Variants in LRRC1 observed in about 807,000 individuals in gnomAD.
LRRC1 encodes the protein leucine rich repeat containing 1.
LRRC1 carries 28 observed loss-of-function variants against 69.9 expected under a neutral mutation model. That is an observed-to-expected ratio of 0.40 (90% CI 0.30 to 0.55). The LOEUF (loss-of-function observed/expected upper bound fraction) is 0.55. Among genes scored for constraint, LRRC1 ranks in the 20% least tolerant of loss-of-function variants. LRRC1 has a pLI of 0.47. For missense variants in LRRC1, 498 were observed against 609.0 expected, an observed-to-expected ratio of 0.82 and a Z score of 1.92; for synonymous variants, 236 against 240.2, an observed-to-expected ratio of 0.98 and a Z score of 0.16.
chr6:53,903,456 C>T (rs1016925293), intron 9 of LRRC1, among the ~76,000 whole-genome samples: 5 of 152,284 alleles, frequency 3.3e-5, no homozygotes, highest in Middle Eastern at 3.4e-3. Flanking sequence ...TCTCCTTCCC[C>T]CACTTTTAGT....
At chr6:53,909,138 C>T (rs904527508) in intron 10 of LRRC1, among the ~76,000 whole-genome samples, 7 of 151,748 alleles carry the variant, frequency 4.6e-5, no homozygotes, top group South Asian at 2.1e-4. Context: ...GGCACCATAC[C>T]AAGTGTCCAC....
chr6:53,798,489 C>T (rs1359429920), intron 1 of LRRC1, among the ~76,000 whole-genome samples: 1 of 152,250 alleles, frequency 6.6e-6, no homozygotes, highest in African/African-American at 2.4e-5. Flanking sequence ...CACCATTCTC[C>T]TGCCTCAGCC....
intron 10 of LRRC1, among the ~76,000 whole-genome samples, chr6:53,911,918 T>C (rs894951789): frequency 6.6e-6 from 1 of 152,194 alleles, no homozygotes; most frequent in African/African-American, 2.4e-5. Flanking sequence ...TGCTCAGCCA[T>C]ATGGGAAATC....
At chr6:53,824,940 T>A (rs1765216167) in intron 1 of LRRC1, among the ~76,000 whole-genome samples, 1 of 152,204 alleles carries the variant, frequency 6.6e-6, no homozygotes, top group Admixed American at 6.5e-5. Context: ...GCTCACTATG[T>A]AGGGGAACAT....
intron 2 of LRRC1, among the ~76,000 whole-genome samples, chr6:53,856,980 G>A (rs1766329857): frequency 6.6e-6 from 1 of 152,188 alleles, no homozygotes; most frequent in African/African-American, 2.4e-5. Context: ...CCCACCACAG[G>A]TAAGATGGGA....
chr6:53,879,015 C>T lies in LRRC1; in HGVS notation c.300C>T (p.Ser100=), dbSNP rs766561148. The stretch of plus-strand genomic sequence containing the variant: ...CAGAGATTCCTGAAATTCCAGAAAG[C>T]ATTTCATTCTGTAAAGCACTGCAGG... ...SRNEIPEIPE[S]ISFCKALQVA... is the part of the protein sequence containing the mutation. Residue 100 remains serine, a synonymous_variant, in exon 3 of 14, where the codon AGC becomes AGT. Coordinates refer to ENST00000370888, the MANE Select transcript of LRRC1 (RefSeq NM_018214.5). 2 of 1,612,534 alleles carry T rather than the reference C, an allele frequency of 1.2e-6. No individual in the cohort carries two copies. Among genetic ancestry groups the T allele is most frequent in the South Asian group, 1.1e-5 (1 of 90,914 alleles).
Position 53,884,058 on chromosome 6 carries a change from GC to G in LRRC1, c.446+1085del, listed in dbSNP as rs547337163. On this transcript the variant is annotated intron_variant, in intron 4 of 13. Coordinates refer to ENST00000370888, the MANE Select transcript of LRRC1 (RefSeq NM_018214.5). ...ATTAGACTTGCTAATTAAAAATTCT[GC>G]CCTTAAACTCTCAGGAGGAGAAGAA... 4.0e-4 allele frequency: 284 copies of G among 714,734 alleles called. 5 individuals carry two copies. The highest frequency in any genetic ancestry group is 3.9e-3 in the South Asian group (265 of 67,144). 44.3% of individuals were successfully genotyped at this position (714,734 alleles called of 1,614,324 possible).
At chr6:53,815,213 G>A (rs974668938) in intron 1 of LRRC1, among the ~76,000 whole-genome samples, 10 of 152,152 alleles carry the variant, frequency 6.6e-5, no homozygotes, top group African/African-American at 2.2e-4. Context: ...CGGTCCTGGG[G>A]CCACACTATG....
intron 4 of LRRC1, among the ~76,000 whole-genome samples, chr6:53,894,194 T>C (rs1767794929): frequency 6.6e-6 from 1 of 152,222 alleles, no homozygotes; most frequent in African/African-American, 2.4e-5. Context: ...TTTTGCCTGT[T>C]TCTATCAAGT....
intron 11 of LRRC1, 57 bp downstream of exon 11, chr6:53,914,026 C>A: frequency 8.5e-7 from 1 of 1,172,248 alleles, no homozygotes; most frequent in Non-Finnish European, 1.3e-6. Flanking sequence ...ACATCCCAAT[C>A]TTGGCAGTGC....
chr6:53,872,221 A>G (rs1766910124), intron 2 of LRRC1, among the ~76,000 whole-genome samples: 1 of 152,106 alleles, frequency 6.6e-6, no homozygotes, highest in East Asian at 1.9e-4. Flanking sequence ...TTTGTTGAAA[A>G]TCAGTTGGCT....
At chr6:53,800,785 G>A (rs893796154) in intron 1 of LRRC1, among the ~76,000 whole-genome samples, 3 of 151,410 alleles carry the variant, frequency 2.0e-5, no homozygotes, top group Non-Finnish European at 4.4e-5. Flanking sequence ...GATTACAGGC[G>A]TGTGCCACCA....
At chr6:53,870,728 T>G (rs1384411969) in intron 2 of LRRC1, among the ~76,000 whole-genome samples, 1 of 152,210 alleles carries the variant, frequency 6.6e-6, no homozygotes, top group Non-Finnish European at 1.5e-5. Context: ...AATGGAACAC[T>G]AGAACTTATT....
chr6:53,873,041 G>T (rs1254487902), intron 2 of LRRC1, among the ~76,000 whole-genome samples: 1 of 152,030 alleles, frequency 6.6e-6, no homozygotes, highest in African/African-American at 2.4e-5. Context: ...GCAAGTGTAA[G>T]CCACCATGCC....
rs571435569 is a variant in LRRC1, at chr6:53,803,701, G to A, written c.159+8286G>A. Among the ~76,000 whole-genome samples the A allele has an allele frequency of 4.3e-4, 65 of 152,144 alleles. No homozygotes were observed. In the South Asian group the frequency reaches 0.013, roughly 30 times the overall value. On this transcript the variant is annotated intron_variant, in intron 1 of 13. Coordinates refer to ENST00000370888, the MANE Select transcript of LRRC1 (RefSeq NM_018214.5). ...CTAGACTATAATGTTTAGATTTCAG[G>A]GAAGTTGACTCAGTTGGAAGAAATT...
At chr6:53,913,306 G>T (rs758789264) in intron 10 of LRRC1, among the ~76,000 whole-genome samples, 2 of 151,648 alleles carry the variant, frequency 1.3e-5, no homozygotes, top group African/African-American at 2.4e-5. Context: ...ATTAAAAGAT[G>T]TATGGTGGAA....
rs151285070 is a variant in LRRC1, at chr6:53,801,309, C to A, written c.159+5894C>A. On this transcript the variant is annotated intron_variant, in intron 1 of 13. Coordinates refer to ENST00000370888, the MANE Select transcript of LRRC1 (RefSeq NM_018214.5). Reference sequence around the variant, plus strand: ...GCAAAATTGCATCATTGTTGTCTGTCATGTTAAATTAATGTTGAGCTTTCT... The same window carrying A: ...GCAAAATTGCATCATTGTTGTCTGTAATGTTAAATTAATGTTGAGCTTTCT... 2.0e-3 allele frequency among the ~76,000 whole-genome samples: 301 copies of A among 152,230 alleles called. 4 individuals are homozygous for A. In the East Asian group the frequency reaches 0.041, roughly 21 times the overall value.
intron 1 of LRRC1, among the ~76,000 whole-genome samples, chr6:53,804,244 T>A (rs944805764): frequency 1.1e-4 from 17 of 152,206 alleles, no homozygotes; most frequent in East Asian, 1.9e-4. Flanking sequence ...GTATTAAATT[T>A]TTTTATTTTA....
At chr6:53,890,231 T>G (rs949632193) in intron 4 of LRRC1, among the ~76,000 whole-genome samples, 1 of 152,214 alleles carries the variant, frequency 6.6e-6, no homozygotes, top group Non-Finnish European at 1.5e-5. Flanking sequence ...CTGAGTTGTC[T>G]TCTCCAAAAA....
Sources: allele counts gnomAD v4.1 joint callset (sites outside exome capture counted in the v4.1 genomes callset), GRCh38; gene constraint gnomAD v4.1.1; transcripts MANE v1.5; gene names NCBI Gene and HGNC (gene_info 2026-07-23, HGNC 2026-07-21).